PPM1E: variants seen among roughly 807,000 people sequenced by gnomAD.
PPM1E encodes the protein protein phosphatase, Mg2+/Mn2+ dependent 1E.
A neutral mutation model predicts 65.9 loss-of-function variants in PPM1E; 20 were observed. That is an observed-to-expected ratio of 0.30 (90% CI 0.21 to 0.44). The LOEUF is 0.44. Ranked by LOEUF, PPM1E falls within the 20% of genes least tolerant of loss-of-function variation. The pLI, the probability that PPM1E is intolerant of heterozygous loss-of-function variation, is 1.00. For synonymous variants in PPM1E, 352 were observed against 374.9 expected (o/e 0.94, Z 0.70); for missense variants, 713 against 953.1 (o/e 0.75, Z 3.32).
chr17:58,886,199 C>A (rs1359224443), intron 1 of PPM1E, among the ~76,000 whole-genome samples: 24 of 152,186 alleles, frequency 1.6e-4, no homozygotes, highest in Admixed American at 1.6e-3. Context: ...ATGTTGCCAT[C>A]ATTTTATTAG....
intron 1 of PPM1E, among the ~76,000 whole-genome samples, chr17:58,833,235 G>C (rs370849170): frequency 1.3e-5 from 2 of 151,144 alleles, no homozygotes; most frequent in Non-Finnish European, 1.5e-5. Context: ...TGTGCTAGCC[G>C]TTTACAGTCA....
At chr17:58,760,609 T>C (rs992319090) in intron 1 of PPM1E, among the ~76,000 whole-genome samples, 3 of 152,194 alleles carry the variant, frequency 2.0e-5, no homozygotes, top group Non-Finnish European at 4.4e-5. Context: ...TGCTTAAACA[T>C]TTTTACCCTT....
intron 1 of PPM1E, among the ~76,000 whole-genome samples, chr17:58,829,351 G>A (rs915118740): frequency 2.0e-5 from 3 of 152,020 alleles, no homozygotes; most frequent in African/African-American, 7.2e-5. Flanking sequence ...CCGTGTTTAC[G>A]TTTTCTTTAT....
At chr17:58,966,113 A>C (rs1360145562) in intron 3 of PPM1E, 2 of 580,070 alleles carry the variant, frequency 3.4e-6, no homozygotes, top group African/African-American at 3.7e-5. Flanking sequence ...TTGGGAAAAT[A>C]AAAATGTCTC....
chr17:58,865,537 C>T (rs994656662), intron 1 of PPM1E, among the ~76,000 whole-genome samples: 3 of 152,048 alleles, frequency 2.0e-5, no homozygotes, highest in Non-Finnish European at 2.9e-5. Context: ...TGGCGAAACC[C>T]GTCTCTACAA....
At chr17:58,939,280 G>A (rs1369846495) in intron 1 of PPM1E, among the ~76,000 whole-genome samples, 2 of 152,154 alleles carry the variant, frequency 1.3e-5, no homozygotes, top group Non-Finnish European at 2.9e-5. Flanking sequence ...TTCAGCTGTG[G>A]CTATTTTTGA....
chr17:58,954,451 C>T (rs2052285443), intron 1 of PPM1E, among the ~76,000 whole-genome samples: 1 of 152,104 alleles, frequency 6.6e-6, no homozygotes, highest in African/African-American at 2.4e-5. Context: ...AATTCCTTAC[C>T]ATCACCTAAA....
At chr17:58,915,258 G>T (rs1467529050) in intron 1 of PPM1E, among the ~76,000 whole-genome samples, 1 of 152,164 alleles carries the variant, frequency 6.6e-6, no homozygotes, top group East Asian at 1.9e-4. Context: ...ACAAGGGGTG[G>T]ATTATTCATG....
In PPM1E at chr17:58,788,017, T is replaced by C. The variant is rs542833787; in HGVS notation, c.464+31556T>C. Among the ~76,000 whole-genome samples, 3 of 152,268 alleles carry C rather than the reference T, an allele frequency of 2.0e-5. No individual in the cohort carries two copies. The East Asian group carries it at 5.8e-4, about 29-fold the overall frequency. The stretch of plus-strand genomic sequence containing the variant: ...ACAAATTCTTGTTCCAAATTTCTAT[T>C]TTTGCAGTCTTTCAGCACATCAAAC... On this transcript the variant is annotated intron_variant, in intron 1 of 6. Transcript: ENST00000308249.
chr17:58,866,975 G>A (rs896734578), intron 1 of PPM1E, among the ~76,000 whole-genome samples: 1 of 151,954 alleles, frequency 6.6e-6, no homozygotes, highest in African/African-American at 2.4e-5. Context: ...AGCCAAATTG[G>A]GGGGATTTTA....
chr17:58,881,659 T>A (rs1217096574), intron 1 of PPM1E, among the ~76,000 whole-genome samples: 2 of 151,280 alleles, frequency 1.3e-5, no homozygotes, highest in Admixed American at 1.3e-4. Context: ...AGATTCCATC[T>A]CAAAAAAACA....
intron 1 of PPM1E, among the ~76,000 whole-genome samples, chr17:58,761,332 G>A (rs2049818665): frequency 6.6e-6 from 1 of 152,166 alleles, no homozygotes; most frequent in Middle Eastern, 3.4e-3. Flanking sequence ...CCAGGAGCTG[G>A]GGGCAACATC....
chr17:58,871,545 T>A (rs1460651031), intron 1 of PPM1E, among the ~76,000 whole-genome samples: 2 of 152,154 alleles, frequency 1.3e-5, no homozygotes, highest in South Asian at 4.1e-4. Flanking sequence ...CCAGGCACAG[T>A]GGCTCACACC....
At chr17:58,852,562 T>A (rs977485886) in intron 1 of PPM1E, among the ~76,000 whole-genome samples, 5 of 152,138 alleles carry the variant, frequency 3.3e-5, no homozygotes, top group Non-Finnish European at 5.9e-5. Context: ...CTTTTTTTTT[T>A]AAATGTGCTT....
intron 1 of PPM1E, among the ~76,000 whole-genome samples, chr17:58,834,969 G>A (rs1045207084): frequency 6.6e-5 from 10 of 152,082 alleles, no homozygotes; most frequent in African/African-American, 2.2e-4. Context: ...GATCAATTTC[G>A]AGAGAATTGA....
chr17:58,758,509 C>T (rs889461947), intron 1 of PPM1E, among the ~76,000 whole-genome samples: 2 of 141,532 alleles, frequency 1.4e-5, no homozygotes, highest in African/African-American at 5.3e-5. Context: ...GCCTGGGTGA[C>T]AGAGCAAGAC....
chr17:58,865,610 G>A (rs1477159957), intron 1 of PPM1E, among the ~76,000 whole-genome samples: 1 of 152,122 alleles, frequency 6.6e-6, no homozygotes, highest in Non-Finnish European at 1.5e-5. Context: ...TGAGGCAGGA[G>A]GATTGCTTAA....
chr17:58,904,139 G>A (rs772467431), intron 1 of PPM1E, among the ~76,000 whole-genome samples: 3 of 152,034 alleles, frequency 2.0e-5, no homozygotes, highest in Non-Finnish European at 4.4e-5. Context: ...TTATAATTAT[G>A]ACATAATAAA....
In PPM1E at chr17:58,965,743, G is replaced by A. The variant is rs373086404; in HGVS notation, c.633G>A (p.Glu211=). The stretch of plus-strand genomic sequence containing the variant: ...GTTCTGTCTTCAGCAAACTACACGA[G>A]ATTTGCTGCAGCTGGGTGAAAGACT... ...LARSVFSKLH[E]ICCSWVKDFP... The change falls in exon 3 of 7, where the codon GAG becomes GAA. Residue 211 remains glutamate, a synonymous_variant. Coordinates refer to ENST00000308249, the MANE Select transcript of PPM1E (RefSeq NM_014906.5). 8.9e-5 allele frequency: 144 copies of A among 1,614,072 alleles called. No individual in the cohort carries two copies. The highest frequency in any genetic ancestry group is 4.7e-4 in the Admixed American group (28 of 60,006).
Sources: gnomAD v4.1 joint callset for allele counts (sites outside exome capture counted in the v4.1 genomes callset) on GRCh38, gnomAD v4.1.1 for gene constraint, MANE v1.5 for transcripts, NCBI Gene and HGNC (gene_info 2026-07-23, HGNC 2026-07-21) for gene names.